NCAM2: variants seen among roughly 807,000 people sequenced by gnomAD.
NCAM2 encodes N-CAM-2.
A neutral mutation model predicts 98.1 loss-of-function variants in NCAM2; 30 were observed. The ratio of observed to expected loss-of-function variants is 0.31; its 90% confidence interval spans 0.23 to 0.41. The LOEUF (loss-of-function observed/expected upper bound fraction) is 0.41, where lower values mean the gene tolerates loss of function less well. NCAM2 is among the 10% of genes least tolerant of loss of function. The pLI is 1.00. For missense variants in NCAM2, 867 were observed against 1,005.8 expected, an observed-to-expected ratio of 0.86 and a Z score of 1.87; for synonymous variants, 368 against 342.4, an observed-to-expected ratio of 1.07 and a Z score of -0.83.
rs184065770 is a variant in NCAM2 at position 21,171,821 on chromosome 21, C to G, written c.56-108757C>G. Among the ~76,000 whole-genome samples the G allele has an allele frequency of 2.1e-4, 31 of 147,472 alleles. No individual in the cohort carries two copies. The East Asian group carries it at 4.7e-3, about 22-fold the overall frequency. ...TCGAGAATGCTAATGGGGATAGAAT[C>G]AAAGGTCAATATTCAATCAACAGAA... On this transcript the variant is annotated intron_variant, in intron 1 of 17. Coordinates refer to ENST00000400546, the MANE Select transcript of NCAM2 (RefSeq NM_004540.5).
At chr21:21,261,185 A>G (rs2071885469) in intron 1 of NCAM2, among the ~76,000 whole-genome samples, 1 of 152,204 alleles carries the variant, frequency 6.6e-6, no homozygotes, top group South Asian at 2.1e-4. Context: ...CAACATCAGC[A>G]CAGCCAGATT....
intron 1 of NCAM2, among the ~76,000 whole-genome samples, chr21:21,132,762 C>T (rs2066962427): frequency 2.0e-5 from 3 of 152,024 alleles, no homozygotes; most frequent in Middle Eastern, 3.4e-3. Flanking sequence ...AATATAAAAC[C>T]AAGAGAGACA....
chr21:21,040,223 C>A (rs1234234884), intron 1 of NCAM2, among the ~76,000 whole-genome samples: 2 of 152,112 alleles, frequency 1.3e-5, no homozygotes, highest in African/African-American at 4.8e-5. Flanking sequence ...TTTGAAGATA[C>A]TGATGCCTTT....
At chr21:21,268,437 C>A (rs1158174247) in intron 1 of NCAM2, among the ~76,000 whole-genome samples, 1 of 152,194 alleles carries the variant, frequency 6.6e-6, no homozygotes, top group Non-Finnish European at 1.5e-5. Context: ...TTCTTTGCTT[C>A]CTTGCAGTGT....
intron 16 of NCAM2, among the ~76,000 whole-genome samples, chr21:21,511,570 T>C (rs1029983698): frequency 3.3e-5 from 5 of 151,872 alleles, no homozygotes; most frequent in Admixed American, 2.6e-4. Context: ...GGAGTACAAA[T>C]ATCTCTTGAT....
intron 1 of NCAM2, among the ~76,000 whole-genome samples, chr21:21,056,000 C>T (rs2065202393): frequency 6.6e-6 from 1 of 151,992 alleles, no homozygotes; most frequent in African/African-American, 2.4e-5. Flanking sequence ...CTTAAGGTAC[C>T]TCATTTTGCT....
chr21:21,195,631 T>C (rs78146666), intron 1 of NCAM2, among the ~76,000 whole-genome samples: 2,912 of 152,298 alleles, frequency 0.019, 38 homozygotes, highest in Non-Finnish European at 0.029. Context: ...ATCTAGAATC[T>C]GAAAGACATT....
chr21:20,999,096 C>T (rs2063972777), intron 1 of NCAM2, among the ~76,000 whole-genome samples: 1 of 151,436 alleles, frequency 6.6e-6, no homozygotes, highest in Non-Finnish European at 1.5e-5. Flanking sequence ...TTTTTTCCAC[C>T]CCTTTCCCAA....
intron 16 of NCAM2, among the ~76,000 whole-genome samples, chr21:21,514,070 TG>T (rs1300723841): frequency 5.9e-5 from 9 of 151,642 alleles, no homozygotes; most frequent in African/African-American, 1.9e-4. Flanking sequence ...ATATATAACC[TG>T]GGCTATACAT....
rs1230022299 is a variant in NCAM2, at chr21:21,507,234, ATTCCTTTGGATCACTAT to A, written c.2078-1596_2078-1580del. ...CTTTTGTATGTTAGCAGTTGTTCTG[ATTCCTTTGGATCACTAT>A]TTCCTTTGGATCACTATTTCTTCAA... is the stretch of plus-strand genomic sequence containing the variant. On this transcript the variant is annotated intron_variant, in intron 15 of 17. Transcript: ENST00000400546. 2.6e-5 allele frequency among the ~76,000 whole-genome samples: 4 copies of A among 152,282 alleles called. No individual in the cohort carries two copies. In the East Asian group the frequency reaches 7.7e-4, roughly 29 times the overall value.
chr21:21,207,606 A>C (rs551884360), intron 1 of NCAM2, among the ~76,000 whole-genome samples: 1 of 152,266 alleles, frequency 6.6e-6, no homozygotes, highest in South Asian at 2.1e-4. Flanking sequence ...TTGATGGCTT[A>C]TAAAAATCTC....
chr21:21,444,914 A>T (rs1010867468), intron 12 of NCAM2, among the ~76,000 whole-genome samples: 1 of 151,838 alleles, frequency 6.6e-6, no homozygotes, highest in South Asian at 2.1e-4. Context: ...AGCTCTTTTA[A>T]GTGTGATGTT....
chr21:21,219,074 C>G lies in NCAM2; in HGVS notation c.56-61504C>G, dbSNP rs542440844. The stretch of plus-strand genomic sequence containing the variant: ...TTACCAAGCTTGCCCAACCCATGGC[C>G]CACAGGCCACATGCAGCCCAGGATG... On this transcript the variant is annotated intron_variant, in intron 1 of 17. Coordinates refer to ENST00000400546, the MANE Select transcript of NCAM2 (RefSeq NM_004540.5). Among the ~76,000 whole-genome samples the G allele has an allele frequency of 2.6e-3, 393 of 152,306 alleles. 11 individuals carry two copies. Among genetic ancestry groups the G allele is most frequent in the East Asian group, 4.3e-3 (22 of 5,162 alleles).
At chr21:21,102,397 C>T (rs2066261307) in intron 1 of NCAM2, among the ~76,000 whole-genome samples, 1 of 151,932 alleles carries the variant, frequency 6.6e-6, no homozygotes, top group Non-Finnish European at 1.5e-5. Flanking sequence ...TAACTCCTCA[C>T]AATACAGGAT....
intron 1 of NCAM2, among the ~76,000 whole-genome samples, chr21:21,177,503 G>A (rs530090968): frequency 1.3e-5 from 2 of 151,898 alleles, no homozygotes; most frequent in Admixed American, 6.6e-5. Context: ...TCCCATGAAC[G>A]ACAACCAATT....
intron 13 of NCAM2, among the ~76,000 whole-genome samples, chr21:21,467,956 T>A (rs1180496748): frequency 2.0e-5 from 3 of 152,160 alleles, no homozygotes; most frequent in African/African-American, 7.2e-5. Context: ...TATGAAATCC[T>A]TTTCAGTGCA....
At chr21:21,385,569 G>T (rs765797642) in intron 9 of NCAM2, 2 of 1,090,772 alleles carry the variant, frequency 1.8e-6, no homozygotes, top group African/African-American at 1.6e-5. Flanking sequence ...AGAAAATTAA[G>T]CCTTTTTTTG....
At chr21:21,273,788 TTTA>T (rs957349469) in intron 1 of NCAM2, among the ~76,000 whole-genome samples, 3 of 152,194 alleles carry the variant, frequency 2.0e-5, no homozygotes, top group Non-Finnish European at 2.9e-5. Context: ...TGGTTTTAAA[TTTA>T]TTATTATTTC....
intron 15 of NCAM2, among the ~76,000 whole-genome samples, chr21:21,483,767 G>A (rs572239462): frequency 6.6e-6 from 1 of 152,130 alleles, no homozygotes; most frequent in African/African-American, 2.4e-5. Flanking sequence ...GAAAAAGTAA[G>A]TCTAAAAAAT....
Sources: allele counts gnomAD v4.1 joint callset (sites outside exome capture counted in the v4.1 genomes callset), GRCh38; gene constraint gnomAD v4.1.1; transcripts MANE v1.5; gene names NCBI Gene and HGNC (gene_info 2026-07-23, HGNC 2026-07-21).